The following ZNF841 variants were observed in gnomAD, a reference collection of about 807,000 sequenced individuals.
ZNF841 encodes TCONS_00006091.
In ZNF841, 11 loss-of-function variants were observed where a neutral mutation model predicts 13.0. The observed-to-expected ratio is 0.85, with a 90% CI of 0.53 to 1.40. The LOEUF (loss-of-function observed/expected upper bound fraction) is 1.40, where lower values mean the gene tolerates loss of function less well. Among genes scored for constraint, ZNF841 ranks in the 40% most tolerant of loss-of-function variants. ZNF841 has a pLI of 0.00. For synonymous variants in ZNF841, 369 were observed against 381.6 expected (o/e 0.97, Z 0.38); for missense variants, 1,068 against 1,139.5 (o/e 0.94, Z 0.90).
At chr19:52,072,897 T>A (rs1257960640) in intron 6 of ZNF841, among the ~76,000 whole-genome samples, 4 of 152,160 alleles carry the variant, frequency 2.6e-5, no homozygotes, top group Admixed American at 1.3e-4. Flanking sequence ...AGGGAAATTT[T>A]AAAAATCTCA....
intron 1 of ZNF841, among the ~76,000 whole-genome samples, chr19:52,094,520 C>T (rs550557604): frequency 9.2e-5 from 14 of 152,176 alleles, no homozygotes; most frequent in Admixed American, 3.3e-4. Context: ...CCAATCTTTC[C>T]GATTGTCCCC....
intron 4 of ZNF841, among the ~76,000 whole-genome samples, 173 bp downstream of exon 4, chr19:52,084,614 C>T (rs766993146): frequency 6.6e-6 from 1 of 152,122 alleles, no homozygotes; most frequent in Non-Finnish European, 1.5e-5. Flanking sequence ...GTCACTGAGT[C>T]ACTGTGAGAT....
Position 52,067,319 on chromosome 19 carries a change from A to G in ZNF841, c.563T>C (p.Phe188Ser). Residue 188 changes from phenylalanine (F) to serine (S), a missense_variant, in exon 7 of 7, where the codon TTT becomes TCT. Physicochemically the swap from Phe to Ser is radical, Grantham distance 155. Coordinates refer to ENST00000594440, the MANE Select transcript of ZNF841 (RefSeq NM_001136499.2). ...CTGCAATTCACCCAGACCGGACTGAAACCTTAATATAAGCTGATTTTCCAT... is the reference window on the plus strand; with the variant it reads ...CTGCAATTCACCCAGACCGGACTGAGACCTTAATATAAGCTGATTTTCCAT... ...KHMENQLILR[F>S]QSGLGELQKF... 1 of 1,551,626 alleles carries G rather than the reference A, an allele frequency of 6.4e-7. No homozygotes were observed. Among genetic ancestry groups the G allele is most frequent in the Non-Finnish European group, 8.7e-7 (1 of 1,146,968 alleles).
chr19:52,077,903 T>C (rs868502299), intron 4 of ZNF841, among the ~76,000 whole-genome samples: 1 of 152,210 alleles, frequency 6.6e-6, no homozygotes, highest in South Asian at 2.1e-4. Context: ...AAGATGGTCT[T>C]GTTGCTGCAT....
intron 4 of ZNF841, among the ~76,000 whole-genome samples, chr19:52,083,116 A>G (rs115233054): frequency 1.3e-5 from 2 of 152,206 alleles, no homozygotes; most frequent in Non-Finnish European, 2.9e-5. Flanking sequence ...AAAAACTTGC[A>G]AAATACAGCA....
intron 2 of ZNF841, among the ~76,000 whole-genome samples, chr19:52,090,610 A>AG (rs2088437529): frequency 7.2e-6 from 1 of 138,226 alleles, no homozygotes; most frequent in Non-Finnish European, 1.6e-5. Context: ...GGTCTCTTAA[A>AG]AAAAGAAAGA....
At chr19:52,094,777 ACTGT>A (rs769731638) in intron 1 of ZNF841, among the ~76,000 whole-genome samples, 3,087 of 150,708 alleles carry the variant, frequency 0.02, 47 homozygotes, top group African/African-American at 0.034. Flanking sequence ...CCTTCTCCCC[ACTGT>A]CTGTCTGTCT....
intron 6 of ZNF841, among the ~76,000 whole-genome samples, chr19:52,072,874 A>G (rs2087780344): frequency 6.6e-6 from 1 of 152,212 alleles, no homozygotes; most frequent in South Asian, 2.1e-4. Flanking sequence ...AATATGTCAA[A>G]TTAGAAATCA....
At position 52,067,414 on chromosome 19, in the gene ZNF841, C is replaced by T. The variant is rs774732752; in HGVS notation, c.468G>A (p.Pro156=). 1.0e-5 allele frequency: 16 copies of T among 1,547,818 alleles called. No homozygotes were observed. The highest frequency in any genetic ancestry group is 8.4e-5 in the South Asian group (7 of 82,916). ...CAGTAAGATTGTTTTTATGGGTCATCGGCCCTTCTTTATAATTTATTTCAC... is the reference window on the plus strand; with the variant it reads ...CAGTAAGATTGTTTTTATGGGTCATTGGCCCTTCTTTATAATTTATTTCAC... ...KDGEINYKEG[P]MTHKNNLTGQ... Residue 156 remains proline (P), a synonymous_variant, in exon 7 of 7, where the codon CCG becomes CCA. Coordinates refer to ENST00000594440, the MANE Select transcript of ZNF841 (RefSeq NM_001136499.2).
At chr19:52,086,148 G>A (rs1458487491) in intron 3 of ZNF841, among the ~76,000 whole-genome samples, 2 of 152,172 alleles carry the variant, frequency 1.3e-5, no homozygotes, top group Middle Eastern at 3.2e-3. Flanking sequence ...GTCTGCAGGG[G>A]ACATGGAGAC....
Position 52,067,179 on chromosome 19 carries a change from A to C in ZNF841, c.703T>G (p.Ser235Ala), listed in dbSNP as rs1303772126. 1.9e-6 allele frequency: 3 copies of C among 1,552,030 alleles called. No individual in the cohort carries two copies. Among genetic ancestry groups the C allele is most frequent in the Non-Finnish European group, 1.7e-6 (2 of 1,147,222 alleles). Residue 235 changes from serine (S) to alanine (A), a missense_variant, in exon 7 of 7, where the codon TCT (serine) becomes GCT (alanine). By Grantham distance (99) the Ser-to-Ala change is moderately conservative (BLOSUM62 1). Coordinates refer to ENST00000594440, the MANE Select transcript of ZNF841 (RefSeq NM_001136499.2). ...AAAAAATCATTCCCATATTTCCTAG[A>C]AATGTTGGTTTGGACACCAGGAAAA... ...RIFPGVQTNI[S>A]RKYGNDFLQL...
At chr19:52,095,066 A>T (rs1470865921) in intron 1 of ZNF841, among the ~76,000 whole-genome samples, 2 of 151,868 alleles carry the variant, frequency 1.3e-5, no homozygotes, top group Non-Finnish European at 2.9e-5. Context: ...CACATTCGGG[A>T]GGAAAGGGGA....
chr19:52,085,833 C>T (rs1004762495), intron 3 of ZNF841, among the ~76,000 whole-genome samples: 2 of 152,180 alleles, frequency 1.3e-5, no homozygotes, highest in African/African-American at 4.8e-5. Flanking sequence ...CATCTTTCTC[C>T]CACAGCTCAC....
At chr19:52,087,483 C>A (rs1001954379) in intron 3 of ZNF841, among the ~76,000 whole-genome samples, 8 of 152,004 alleles carry the variant, frequency 5.3e-5, no homozygotes, top group African/African-American at 1.9e-4. Context: ...TTTCTGTTCC[C>A]GTGTTAGTTT....
At chr19:52,090,654 GGAAAGAAAGAAAGAAA>G (rs60931653) in intron 2 of ZNF841, among the ~76,000 whole-genome samples, 44 of 84,642 alleles carry the variant, frequency 5.2e-4, no homozygotes, top group African/African-American at 1.1e-3. Flanking sequence ...AAGGAAGGAA[GGAAAGAAAGAAAGAAA>G]GAAAGAAAGA....
chr19:52,081,112 A>G (rs1390337782), intron 4 of ZNF841, among the ~76,000 whole-genome samples: 1 of 152,158 alleles, frequency 6.6e-6, no homozygotes, highest in East Asian at 1.9e-4. Context: ...AGGGGACCAA[A>G]ATCTATGGAT....
chr19:52,061,233 C>T (rs2087391437), downstream of ZNF841, among the ~76,000 whole-genome samples: 1 of 152,194 alleles, frequency 6.6e-6, no homozygotes, highest in Non-Finnish European at 1.5e-5. Context: ...TTGGCTACAT[C>T]CTCAACCATG....
chr19:52,062,649 T>C (rs1461021406), downstream of ZNF841, among the ~76,000 whole-genome samples: 1 of 152,200 alleles, frequency 6.6e-6, no homozygotes, highest in East Asian at 1.9e-4. Flanking sequence ...AATAGTCAAC[T>C]AGCCTTTTTA....
At chr19:52,086,623 G>C (rs1447610494) in intron 3 of ZNF841, among the ~76,000 whole-genome samples, 1 of 152,212 alleles carries the variant, frequency 6.6e-6, no homozygotes, top group Non-Finnish European at 1.5e-5. Flanking sequence ...GAGATGATGA[G>C]GAAAGACAGT....
Sources: gnomAD v4.1 joint callset for allele counts (sites outside exome capture counted in the v4.1 genomes callset) on GRCh38, gnomAD v4.1.1 for gene constraint, MANE v1.5 for transcripts, NCBI Gene and HGNC (gene_info 2026-07-23, HGNC 2026-07-21) for gene names.